Variants in CCDC92 observed in about 807,000 individuals in gnomAD.
The protein encoded by CCDC92 is coiled-coil domain containing 92, also known as coiled-coil domain-containing protein 92.
CCDC92 carries 12 observed loss-of-function variants against 24.9 expected under a neutral mutation model. That is an observed-to-expected ratio of 0.48 (90% confidence interval 0.31 to 0.78). The LOEUF is 0.78. Ranked by LOEUF, CCDC92 falls within the 30% of genes least tolerant of loss-of-function variation. The pLI, the probability that CCDC92 is intolerant of heterozygous loss-of-function variation, is 0.05. For missense variants in CCDC92, 399 were observed against 439.4 expected, an observed-to-expected ratio of 0.91 and a Z score of 0.82; for synonymous variants, 193 against 196.3, an observed-to-expected ratio of 0.98 and a Z score of 0.14.
intron 1 of CCDC92, chr12:123,968,175 A>G (rs1956437444): frequency 6.6e-6 from 1 of 152,256 alleles, no homozygotes; most frequent in Admixed American, 6.5e-5. Context: ...AGAATTTCAG[A>G]AACAAGGAGA....
At chr12:123,968,317 A>G (rs904875760) in intron 1 of CCDC92, 2 of 152,228 alleles carry the variant, frequency 1.3e-5, no homozygotes, top group Admixed American at 6.5e-5. Context: ...ATTTGCATGT[A>G]AACTGTTTTC....
At chr12:123,964,347 G>T (rs1361058281) in intron 1 of CCDC92, among the ~76,000 whole-genome samples, 1 of 150,166 alleles carries the variant, frequency 6.7e-6, no homozygotes, top group African/African-American at 2.5e-5. Flanking sequence ...TACTTTTAAA[G>T]AAAATCCTTT....
intron 1 of CCDC92, among the ~76,000 whole-genome samples, chr12:123,963,883 T>A (rs1238836366): frequency 2.0e-5 from 3 of 152,248 alleles, no homozygotes; most frequent in Non-Finnish European, 4.4e-5. Flanking sequence ...GCTTTGTTTT[T>A]AAGGACTTCA....
At chr12:123,971,215 G>A (rs1433679237) in intron 1 of CCDC92, among the ~76,000 whole-genome samples, 1 of 152,084 alleles carries the variant, frequency 6.6e-6, no homozygotes, top group Non-Finnish European at 1.5e-5. Context: ...ATTTTTCAGT[G>A]GTGTGTATGG....
chr12:123,953,339 T>C (rs1456760768), intron 1 of CCDC92, among the ~76,000 whole-genome samples: 2 of 152,208 alleles, frequency 1.3e-5, no homozygotes, highest in Non-Finnish European at 2.9e-5. Flanking sequence ...ATCTAAAGTA[T>C]GCAATAATTT....
At chr12:123,950,807 C>T (rs1956006468) in intron 1 of CCDC92, among the ~76,000 whole-genome samples, 2 of 152,348 alleles carry the variant, frequency 1.3e-5, no homozygotes, top group South Asian at 2.1e-4. Context: ...TATGCCTTTT[C>T]CTTTAGTGTC....
intron 1 of CCDC92, among the ~76,000 whole-genome samples, chr12:123,957,784 C>G (rs1176747261): frequency 7.2e-6 from 1 of 139,796 alleles, no homozygotes; most frequent in African/African-American, 2.6e-5. Context: ...TCTTGGCTCA[C>G]TGCAACCTCC....
rs774161061 is a variant in CCDC92, at chr12:123,943,389, C to A, written c.139G>T (p.Gly47Trp). Residue 47 changes from glycine to tryptophan, a missense_variant, in exon 3 of 5, where the codon GGG becomes TGG. Coordinates refer to ENST00000238156, the MANE Select transcript of CCDC92 (RefSeq NM_025140.3). ...LQREHASTLK[G>W]LHSEIRRLQQ... Reference sequence around the variant, plus strand: ...AGCCGCCTGATCTCGGAGTGCAGCCCCTTGAGCGTGCTGGCATGCTCCCGC... The same window carrying A: ...AGCCGCCTGATCTCGGAGTGCAGCCACTTGAGCGTGCTGGCATGCTCCCGC... The A allele has an allele frequency of 6.2e-7, 1 of 1,614,038 alleles. No homozygotes were observed. The highest frequency in any genetic ancestry group is 8.5e-7 in the Non-Finnish European group (1 of 1,180,034).
rs574377203 is a variant in CCDC92 at position 123,940,224 on chromosome 12, G to T, written c.224-2394C>A. On this transcript the variant is annotated intron_variant, in intron 4 of 4. Transcript: ENST00000238156. Reference sequence around the variant, plus strand: ...GGGGCACCTGTCAGATGAAGATGCAGGTTCAGAGATGTCAAAGAACCTGCC... The same window carrying T: ...GGGGCACCTGTCAGATGAAGATGCATGTTCAGAGATGTCAAAGAACCTGCC... Among the ~76,000 whole-genome samples the T allele has an allele frequency of 2.6e-5, 4 of 152,348 alleles. No homozygotes were observed. The East Asian group carries it at 7.7e-4, about 29-fold the overall frequency.
At chr12:123,969,736 C>T (rs540710730) in intron 1 of CCDC92, among the ~76,000 whole-genome samples, 2 of 152,048 alleles carry the variant, frequency 1.3e-5, no homozygotes, top group South Asian at 2.1e-4. Flanking sequence ...GAGCCACTGC[C>T]CCCGGCCTTA....
chr12:123,958,443 A>T (rs1260939074), intron 1 of CCDC92, among the ~76,000 whole-genome samples: 3 of 152,224 alleles, frequency 2.0e-5, no homozygotes, highest in Non-Finnish European at 4.4e-5. Flanking sequence ...CCAAATGCAG[A>T]TTCTTTCCAA....
intron 1 of CCDC92, among the ~76,000 whole-genome samples, chr12:123,952,339 AT>A (rs933179146): frequency 2.0e-5 from 3 of 152,214 alleles, no homozygotes; most frequent in African/African-American, 7.2e-5. Flanking sequence ...TGGGACCTCT[AT>A]CCTCCATTTT....
intron 1 of CCDC92, chr12:123,946,380 C>A (rs1955870027): frequency 1.3e-5 from 2 of 152,634 alleles, no homozygotes; most frequent in South Asian, 4.1e-4. Context: ...GGCTCCTCCT[C>A]TGCCCAGAAC....
At chr12:123,967,452 C>T (rs972707274) in intron 1 of CCDC92, among the ~76,000 whole-genome samples, 4 of 152,314 alleles carry the variant, frequency 2.6e-5, no homozygotes, top group Non-Finnish European at 4.4e-5. Flanking sequence ...TGCTCTCCCA[C>T]GCTACTAGCC....
rs371400958 is a variant in CCDC92 at position 123,938,723 on chromosome 12, T to C, written c.224-893A>G. ...ACTTGAGCATCAGCTCCCGATTCAG[T>C]GTCTCCTGAGCACCACTTCTCCAAG... On this transcript the variant is annotated intron_variant, in intron 4 of 4. Coordinates refer to ENST00000238156, the MANE Select transcript of CCDC92 (RefSeq NM_025140.3). 1.1e-4 allele frequency among the ~76,000 whole-genome samples: 16 copies of C among 152,318 alleles called. 1 individual carries two copies. The South Asian group carries it at 1.9e-3, about 18-fold the overall frequency.
At chr12:123,938,817 G>C (rs1028370866) in intron 4 of CCDC92, among the ~76,000 whole-genome samples, 1 of 152,058 alleles carries the variant, frequency 6.6e-6, no homozygotes, top group Non-Finnish European at 1.5e-5. Flanking sequence ...ACTCTCCCAG[G>C]GAAACTGGAT....
chr12:123,949,583 C>A lies in CCDC92; in HGVS notation c.-59-5219G>T, dbSNP rs117097566. Among the ~76,000 whole-genome samples, 16 of 152,318 alleles carry A rather than the reference C, an allele frequency of 1.1e-4. No individual in the cohort carries two copies. In the South Asian group the frequency reaches 2.7e-3, roughly 26 times the overall value. ...CCAGCAGAAGCAATGCAAATGGGTA[C>A]CTCGAGGGTCAAAGTCCTGCTGAAT... On this transcript the variant is annotated intron_variant, in intron 1 of 4. Coordinates refer to ENST00000238156, the MANE Select transcript of CCDC92 (RefSeq NM_025140.3).
At chr12:123,944,643 G>A (rs969885591) in intron 1 of CCDC92, 8 of 241,332 alleles carry the variant, frequency 3.3e-5, no homozygotes, top group African/African-American at 9.0e-5. Flanking sequence ...GAGCTAGGAC[G>A]AGTTCATAAC....
At chr12:123,972,317 C>A (rs1430592361) in intron 1 of CCDC92, among the ~76,000 whole-genome samples, 1 of 152,088 alleles carries the variant, frequency 6.6e-6, no homozygotes, top group African/African-American at 2.4e-5. Context: ...CCGGGGCCAC[C>A]CCTGCCCCTG....
Sources: allele counts gnomAD v4.1 joint callset (sites outside exome capture counted in the v4.1 genomes callset), GRCh38; gene constraint gnomAD v4.1.1; transcripts MANE v1.5; gene names NCBI Gene and HGNC (gene_info 2026-07-23, HGNC 2026-07-21).